The following SEMA3D variants were observed in gnomAD, a reference collection of about 807,000 sequenced individuals.
SEMA3D encodes the protein semaphorin-3D.
SEMA3D carries 84 observed loss-of-function variants against 100.1 expected under a neutral mutation model. That is an observed-to-expected ratio of 0.84 (90% CI 0.70 to 1.01). SEMA3D has a LOEUF of 1.01. Among genes scored for constraint, SEMA3D ranks in the 50% least tolerant of loss-of-function variants. SEMA3D has a pLI of 0.00. For synonymous variants in SEMA3D, 312 were observed against 320.7 expected, an observed-to-expected ratio of 0.97 and a Z score of 0.29; for missense variants, 875 against 934.1, an observed-to-expected ratio of 0.94 and a Z score of 0.82.
At chr7:85,021,056 C>T (rs1323765323) in intron 13 of SEMA3D, among the ~76,000 whole-genome samples, 2 of 151,248 alleles carry the variant, frequency 1.3e-5, no homozygotes, top group Non-Finnish European at 3.0e-5. Flanking sequence ...AAAAAAATCC[C>T]ACTTTAATTT....
chr7:85,151,276 C>T (rs1211731557), intron 2 of SEMA3D, among the ~76,000 whole-genome samples: 1 of 151,936 alleles, frequency 6.6e-6, no homozygotes, highest in East Asian at 1.9e-4. Context: ...TTAATTTGGG[C>T]TTGTATAGTC....
At chr7:85,156,133 C>T (rs913974042) in intron 1 of SEMA3D, among the ~76,000 whole-genome samples, 5 of 147,936 alleles carry the variant, frequency 3.4e-5, no homozygotes, top group South Asian at 2.1e-4. Context: ...GATGGAGTCT[C>T]GCTCTGTCAC....
intron 2 of SEMA3D, among the ~76,000 whole-genome samples, chr7:85,129,575 C>T (rs955610390): frequency 6.6e-6 from 1 of 152,076 alleles, no homozygotes; most frequent in Non-Finnish European, 1.5e-5. Context: ...TGCTTATACA[C>T]AACCACTTAT....
intron 1 of SEMA3D, among the ~76,000 whole-genome samples, chr7:85,160,577 C>A (rs1790719338): frequency 6.6e-6 from 1 of 151,998 alleles, no homozygotes; most frequent in African/African-American, 2.4e-5. Context: ...CTAATGAGAA[C>A]CTTGGGGAAC....
At chr7:85,233,481 A>G in the SEMA3D span, among the ~76,000 whole-genome samples, 3 of 152,200 alleles carry the variant, frequency 2.0e-5, no homozygotes, top group Admixed American at 2.0e-4. Context: ...ATATGTGATT[A>G]GGCTAGATAA....
In SEMA3D at chr7:85,006,885, T is replaced by C. The variant is rs1338783754; in HGVS notation, c.1825A>G (p.Thr609Ala). Residue 609 changes from threonine to alanine, a missense_variant, in exon 18 of 19, where the codon ACC becomes GCC. Coordinates refer to ENST00000284136, the MANE Select transcript of SEMA3D (RefSeq NM_001384900.1). ...GATTTAGGTATACATTCCAGAAAGG[T>C]TGAGTTAAATTCAATGCCAAAAATC... ...KVIFGIEFNS[T>A]FLECIPKSQQ... 5 of 1,610,786 alleles carry C rather than the reference T, an allele frequency of 3.1e-6. No individual in the cohort carries two copies. In the East Asian group the frequency reaches 6.7e-5, roughly 22 times the overall value.
intron 3 of SEMA3D, among the ~76,000 whole-genome samples, chr7:85,099,587 T>C (rs1008128154): frequency 9.2e-5 from 14 of 151,932 alleles, no homozygotes; most frequent in Non-Finnish European, 1.6e-4. Context: ...TCTGTTTAGA[T>C]TTGTGAGAAA....
At chr7:85,074,322 A>T (rs1791860400) in intron 5 of SEMA3D, among the ~76,000 whole-genome samples, 1 of 152,136 alleles carries the variant, frequency 6.6e-6, no homozygotes, top group Admixed American at 6.5e-5. Flanking sequence ...TGGGGTTCCT[A>T]GGAGGAATAT....
intron 3 of SEMA3D, among the ~76,000 whole-genome samples, chr7:85,117,476 T>C (rs1789274847): frequency 6.6e-6 from 1 of 152,220 alleles, no homozygotes; most frequent in Non-Finnish European, 1.5e-5. Context: ...CTAAAACCTT[T>C]GGCTTTAAAG....
the SEMA3D span, among the ~76,000 whole-genome samples, chr7:85,249,380 T>C: frequency 2.0e-5 from 3 of 152,290 alleles, no homozygotes; most frequent in East Asian, 1.9e-4. Flanking sequence ...TATGGTATCA[T>C]GCATGGGATC....
chr7:85,029,134 A>G (rs1790474351), intron 12 of SEMA3D: 1 of 624,610 alleles, frequency 1.6e-6, no homozygotes, highest in Non-Finnish European at 3.0e-6. Context: ...CAAGCCTAGC[A>G]TGTCATTGCC....
At chr7:85,094,009 T>G (rs1035654682) in intron 4 of SEMA3D, among the ~76,000 whole-genome samples, 3 of 151,952 alleles carry the variant, frequency 2.0e-5, no homozygotes, top group Non-Finnish European at 4.4e-5. Flanking sequence ...CTTTCAAGAA[T>G]GAAGAGCAGT....
At chr7:85,243,962 T>G in the SEMA3D span, among the ~76,000 whole-genome samples, 9 of 152,212 alleles carry the variant, frequency 5.9e-5, no homozygotes, top group Non-Finnish European at 1.3e-4. Flanking sequence ...GTTATGGGGA[T>G]GTGATCAAGT....
intron 12 of SEMA3D, among the ~76,000 whole-genome samples, chr7:85,035,611 T>G (rs1192512803): frequency 6.6e-6 from 1 of 151,962 alleles, no homozygotes; most frequent in Non-Finnish European, 1.5e-5. Flanking sequence ...TACCAATCAA[T>G]GCACACAAAG....
intron 6 of SEMA3D, among the ~76,000 whole-genome samples, chr7:85,069,062 C>T (rs1315779765): frequency 1.3e-5 from 2 of 152,024 alleles, no homozygotes; most frequent in East Asian, 3.9e-4. Context: ...ATAACAATGA[C>T]AACACTACCA....
chr7:85,100,210 A>T (rs1242272554), intron 3 of SEMA3D, among the ~76,000 whole-genome samples: 4 of 151,988 alleles, frequency 2.6e-5, no homozygotes, highest in Admixed American at 2.6e-4. Flanking sequence ...TATACAAATG[A>T]AGCTCTTTAA....
chr7:85,223,663 A>C, the SEMA3D span, among the ~76,000 whole-genome samples: 1 of 152,104 alleles, frequency 6.6e-6, no homozygotes, highest in Non-Finnish European at 1.5e-5. Context: ...ATAACTCATA[A>C]CTGGAAAACC....
intron 18 of SEMA3D, among the ~76,000 whole-genome samples, chr7:85,004,473 G>C (rs1789739687): frequency 6.6e-6 from 1 of 152,034 alleles, no homozygotes; most frequent in African/African-American, 2.4e-5. Flanking sequence ...CAATTGACTT[G>C]CTAGTTATAG....
intron 1 of SEMA3D, among the ~76,000 whole-genome samples, chr7:85,170,471 A>T (rs958191260): frequency 1.4e-4 from 21 of 151,940 alleles, no homozygotes; most frequent in African/African-American, 5.1e-4. Flanking sequence ...GAAGGTTTGA[A>T]TCTCAGGGAA....
Sources: gnomAD v4.1 joint callset for allele counts (sites outside exome capture counted in the v4.1 genomes callset) on GRCh38, gnomAD v4.1.1 for gene constraint, MANE v1.5 for transcripts, NCBI Gene and HGNC (gene_info 2026-07-23, HGNC 2026-07-21) for gene names.